ZNF704: variants seen among roughly 807,000 people sequenced by gnomAD.
The protein encoded by ZNF704 is zinc finger protein 704.
In ZNF704, 10 loss-of-function variants were observed where a neutral mutation model predicts 44.7. That is an observed-to-expected ratio of 0.22 (90% CI 0.14 to 0.38). ZNF704 has a LOEUF of 0.38. Among genes scored for constraint, ZNF704 ranks in the 10% least tolerant of loss-of-function variants. ZNF704 has a pLI of 1.00. For synonymous variants in ZNF704, 211 were observed against 207.6 expected (o/e 1.02, Z -0.14); for missense variants, 390 against 545.5 (o/e 0.71, Z 2.84).
intron 2 of ZNF704, among the ~76,000 whole-genome samples, chr8:80,790,950 T>C (rs761330815): frequency 1.3e-5 from 2 of 152,078 alleles, no homozygotes; most frequent in Non-Finnish European, 2.9e-5. Context: ...GCCAGGGCCA[T>C]GTCTCAGGGG....
chr8:80,856,014 G>GT, intron 1 of ZNF704, among the ~76,000 whole-genome samples: 1 of 152,322 alleles, frequency 6.6e-6, no homozygotes, highest in South Asian at 2.1e-4. Context: ...CTGGAGTGCA[G>GT]TTGCGTGATC....
intron 2 of ZNF704, among the ~76,000 whole-genome samples, chr8:80,815,345 C>A (rs553314272): frequency 5.3e-5 from 8 of 152,254 alleles, no homozygotes; most frequent in Non-Finnish European, 5.9e-5. Context: ...ATTTCTCTAG[C>A]TTTAGAGTTA....
chr8:80,855,188 T>C (rs1005439304), intron 1 of ZNF704, among the ~76,000 whole-genome samples: 1 of 152,208 alleles, frequency 6.6e-6, no homozygotes, highest in African/African-American at 2.4e-5. Flanking sequence ...ATGGATACAA[T>C]GTTTTGATAT....
At chr8:80,884,175 A>G in the ZNF704 span, among the ~76,000 whole-genome samples, 1 of 152,160 alleles carries the variant, frequency 6.6e-6, no homozygotes, top group African/African-American at 2.4e-5. Context: ...TGCCAGGATA[A>G]AGAATTTTCC....
chr8:80,650,960 C>T (rs1475499344), intron 7 of ZNF704, among the ~76,000 whole-genome samples: 1 of 152,216 alleles, frequency 6.6e-6, no homozygotes, highest in Non-Finnish European at 1.5e-5. Context: ...GGACTAACAG[C>T]TGATCTCTCA....
At chr8:80,872,487 G>C (rs1809269780) in intron 1 of ZNF704, among the ~76,000 whole-genome samples, 1 of 152,114 alleles carries the variant, frequency 6.6e-6, no homozygotes, top group Non-Finnish European at 1.5e-5. Flanking sequence ...AAGCTCAGCT[G>C]TTCATGAGTT....
Position 80,726,832 on chromosome 8 carries a change from T to TGC in ZNF704, c.222-33727_222-33726dup, listed in dbSNP as rs1491525733. Among the ~76,000 whole-genome samples the TGC allele has an allele frequency of 1.1e-4, 15 of 132,536 alleles. 1 individual carries two copies. Among genetic ancestry groups the TGC allele is most frequent in the African/African-American group, 4.7e-4 (15 of 31,872 alleles). The allele number at this position is 132,536 out of a possible 152,430, so 86.9% of individuals were successfully genotyped here. A position where few individuals can be genotyped will look rare whatever the true frequency, so the allele number is the denominator to read the frequency against. Reference sequence around the variant, plus strand: ...TTCATGTTAAAAATACACACACACATGCACACACACACACACACACACACA... The same window carrying TGC: ...TTCATGTTAAAAATACACACACACATGCGCACACACACACACACACACACACA... On this transcript the variant is annotated intron_variant, in intron 2 of 8. Transcript: ENST00000327835.
intron 2 of ZNF704, among the ~76,000 whole-genome samples, chr8:80,724,187 T>C (rs1365675273): frequency 1.3e-5 from 2 of 152,246 alleles, no homozygotes; most frequent in Non-Finnish European, 2.9e-5. Flanking sequence ...TTCTCCATTA[T>C]ATTCAATTAG....
At chr8:80,666,535 G>A (rs1248423043) in intron 5 of ZNF704, among the ~76,000 whole-genome samples, 1 of 146,256 alleles carries the variant, frequency 6.8e-6, no homozygotes, top group Admixed American at 6.8e-5. Flanking sequence ...CTGAGGAATC[G>A]CCACACTGAC....
intron 2 of ZNF704, among the ~76,000 whole-genome samples, chr8:80,788,607 T>G (rs1374440172): frequency 1.3e-5 from 2 of 152,278 alleles, no homozygotes; most frequent in East Asian, 3.9e-4. Context: ...TGGCAAAAAG[T>G]GTGCTGTTGG....
chr8:80,678,798 C>T (rs928618043), intron 4 of ZNF704, among the ~76,000 whole-genome samples: 3 of 152,196 alleles, frequency 2.0e-5, no homozygotes, highest in African/African-American at 7.2e-5. Context: ...CTACACCATG[C>T]CTTTTCTGCA....
At chr8:80,852,565 T>C (rs879344521) in intron 1 of ZNF704, among the ~76,000 whole-genome samples, 15 of 152,238 alleles carry the variant, frequency 9.9e-5, no homozygotes, top group Non-Finnish European at 1.8e-4. Context: ...AGCTACTTGC[T>C]ACCACCTTAC....
chr8:80,877,266 G>A (rs1809368167), upstream of ZNF704, among the ~76,000 whole-genome samples: 1 of 150,688 alleles, frequency 6.6e-6, no homozygotes, highest in East Asian at 2.0e-4. Flanking sequence ...CAAAAAAGAG[G>A]TTTCACCCAA....
At chr8:80,650,476 C>G (rs1817900322) in intron 7 of ZNF704, among the ~76,000 whole-genome samples, 1 of 152,120 alleles carries the variant, frequency 6.6e-6, no homozygotes, top group Non-Finnish European at 1.5e-5. Context: ...CTTAAAGGAC[C>G]TGTTGGAACT....
At chr8:80,653,359 G>A (rs1817955323) in intron 7 of ZNF704, among the ~76,000 whole-genome samples, 1 of 152,124 alleles carries the variant, frequency 6.6e-6, no homozygotes, top group Non-Finnish European at 1.5e-5. Context: ...TATTCAATTA[G>A]GAAAAGAGGA....
At chr8:80,656,930 T>C (rs56035126) in intron 7 of ZNF704, among the ~76,000 whole-genome samples, 2 of 152,196 alleles carry the variant, frequency 1.3e-5, no homozygotes, top group Non-Finnish European at 2.9e-5. Context: ...CCATCACTAA[T>C]ACAAATTCAT....
chr8:80,764,858 T>C (rs1042729868), intron 2 of ZNF704, among the ~76,000 whole-genome samples: 26 of 152,186 alleles, frequency 1.7e-4, no homozygotes, highest in African/African-American at 5.5e-4. Context: ...TTATAAGAAA[T>C]ACAGTAAGAA....
intron 2 of ZNF704, among the ~76,000 whole-genome samples, chr8:80,808,504 G>C (rs1177631807): frequency 6.6e-6 from 1 of 152,172 alleles, no homozygotes; most frequent in African/African-American, 2.4e-5. Context: ...TGTTTGTTAG[G>C]AATGAGTCAA....
chr8:80,857,533 C>G (rs768846518), intron 1 of ZNF704, among the ~76,000 whole-genome samples: 1 of 151,996 alleles, frequency 6.6e-6, no homozygotes, highest in Non-Finnish European at 1.5e-5. Context: ...GTGAATTACA[C>G]CATTTGATTT....
Sources: gnomAD v4.1 joint callset for allele counts (sites outside exome capture counted in the v4.1 genomes callset) on GRCh38, gnomAD v4.1.1 for gene constraint, MANE v1.5 for transcripts, NCBI Gene and HGNC (gene_info 2026-07-23, HGNC 2026-07-21) for gene names.